Variants in DMD observed in about 807,000 individuals in gnomAD.
The protein encoded by DMD is dystrophin, also known as mutant dystrophin.
In DMD, 63 loss-of-function variants were observed where a neutral mutation model predicts 330.1. That is an observed-to-expected ratio of 0.19 (90% CI 0.16 to 0.24). The LOEUF is 0.24. DMD is among the 10% of genes least tolerant of loss of function. The probability of loss-of-function intolerance (pLI) is 1.00; values close to 1 mark genes in which losing one functional copy is unlikely to be tolerated. For missense variants in DMD, 3,344 were observed against 2,684.1 expected (o/e 1.25, Z -5.43); for synonymous variants, 1,223 against 959.8 (o/e 1.27, Z -5.07).
At position 31,178,819 on chromosome X, in the gene DMD, C is replaced by A; in HGVS notation, c.10087-14G>T. 2 of 1,208,705 alleles carry A rather than the reference C, an allele frequency of 1.7e-6. No homozygotes were observed. The highest frequency in any genetic ancestry group is 2.2e-6 in the Non-Finnish European group (2 of 893,240). ...TCCTGATGTAGTCTAAAAGGGAGAT[C>A]ATGGTGAGATCAGATTTAGGACAGG... On this transcript the variant is annotated splice_polypyrimidine_tract_variant and intron_variant, in intron 69 of 78. Transcript: ENST00000357033.
In DMD at chrX:32,499,833, G is replaced by A. The variant is rs3805053; in HGVS notation, c.2380+1922C>T. On this transcript the variant is annotated intron_variant, in intron 19 of 78. Transcript: ENST00000357033. ...GGGGTACTTCAGGCACTTAATATGT[G>A]TCTAGCTTATCTCACAATTTGCACA... is the stretch of plus-strand genomic sequence containing the variant. Among the ~76,000 whole-genome samples the A allele has an allele frequency of 7.8e-3, 862 of 111,015 alleles. 16 individuals carry two copies. The East Asian group carries it at 0.11, about 14-fold the overall frequency.
At chrX:32,518,695 T>C (rs901811968) in intron 17 of DMD, among the ~76,000 whole-genome samples, 2 of 110,827 alleles carry the variant, frequency 1.8e-5, no homozygotes, top group Admixed American at 9.7e-5. Context: ...AGAAGTACAA[T>C]GACCTTGAGG....
chrX:33,183,243 A>C, intron 1 of DMD, among the ~76,000 whole-genome samples: 1 of 111,917 alleles, frequency 8.9e-6, no homozygotes, highest in East Asian at 2.8e-4. Flanking sequence ...AGTTCGAGAA[A>C]AATATATGTA....
chrX:32,913,980 C>T (rs778328483), intron 2 of DMD, among the ~76,000 whole-genome samples: 274 of 111,594 alleles, frequency 2.5e-3, no homozygotes, highest in Non-Finnish European at 3.7e-3. Flanking sequence ...TTCCTTACTT[C>T]CCCTGCCTCC....
chrX:32,252,345 T>C lies in DMD; in HGVS notation c.6290+35184A>G, dbSNP rs375800733. Among the ~76,000 whole-genome samples, 3 of 109,400 alleles carry C rather than the reference T, an allele frequency of 2.7e-5. No individual in the cohort carries two copies. The East Asian group carries it at 8.6e-4, about 31-fold the overall frequency. ...TTTGTTAGAATATCTCATAGCTCCT[T>C]ATACTTTTCATTCATAGCACCTACT... On this transcript the variant is annotated intron_variant, in intron 43 of 78. Coordinates refer to ENST00000357033, the MANE Select transcript of DMD (RefSeq NM_004006.3).
chrX:32,255,993 T>G (rs765777717), intron 43 of DMD, among the ~76,000 whole-genome samples: 2 of 111,364 alleles, frequency 1.8e-5, no homozygotes, highest in East Asian at 5.7e-4. Context: ...CAGATTCACG[T>G]ACTATGTATG....
At chrX:31,128,890 G>A (rs2037289256) in intron 77 of DMD, among the ~76,000 whole-genome samples, 1 of 112,149 alleles carries the variant, frequency 8.9e-6, no homozygotes, top group African/African-American at 3.2e-5. Flanking sequence ...CTAGTTCTAC[G>A]CTGACAAAAC....
At chrX:31,580,559 C>A (rs748918973) in intron 55 of DMD, among the ~76,000 whole-genome samples, 1 of 111,982 alleles carries the variant, frequency 8.9e-6, no homozygotes, top group Non-Finnish European at 1.9e-5. Flanking sequence ...TTTTAAGCTA[C>A]TGAGTTTTGA....
chrX:32,418,299 T>C (rs1425825575), intron 29 of DMD, among the ~76,000 whole-genome samples: 2 of 111,264 alleles, frequency 1.8e-5, no homozygotes, highest in Non-Finnish European at 3.8e-5. Context: ...AGGAGAATGA[T>C]AGACATCCAG....
intron 44 of DMD, among the ~76,000 whole-genome samples, chrX:32,169,648 T>TTA (rs773844270): frequency 2.1e-4 from 23 of 111,531 alleles, no homozygotes; most frequent in Non-Finnish European, 3.4e-4. Context: ...AGTAAAAGTT[T>TTA]TAACAATAAC....
chrX:33,293,936 G>A (rs776607002), intron 1 of DMD, among the ~76,000 whole-genome samples: 15 of 111,502 alleles, frequency 1.3e-4, no homozygotes, highest in Admixed American at 9.6e-5. Flanking sequence ...AAGGATCTGC[G>A]CTAGGTGTGG....
chrX:32,106,298 T>C (rs2096563729), intron 44 of DMD, among the ~76,000 whole-genome samples: 4 of 111,914 alleles, frequency 3.6e-5, no homozygotes, highest in Non-Finnish European at 5.6e-5. Flanking sequence ...TGCCAGAAGA[T>C]GGACAGGTAT....
intron 45 of DMD, among the ~76,000 whole-genome samples, chrX:31,956,066 A>G (rs191433501): frequency 2.4e-5 from 2 of 84,034 alleles, no homozygotes; most frequent in African/African-American, 8.9e-5. Context: ...AGTCCCTTTA[A>G]AAGGGTAGAG....
chrX:32,746,431 G>T (rs1207819604), intron 7 of DMD, among the ~76,000 whole-genome samples: 1 of 111,929 alleles, frequency 8.9e-6, no homozygotes, highest in South Asian at 3.7e-4. Context: ...GGCAGGCTAT[G>T]GTTCTCAAAG....
At chrX:32,457,719 A>G (rs1400361385) in intron 25 of DMD, among the ~76,000 whole-genome samples, 2 of 110,062 alleles carry the variant, frequency 1.8e-5, no homozygotes, top group African/African-American at 6.6e-5. Context: ...TTTTTGCAGA[A>G]AGATGGAAAA....
chrX:32,066,825 T>C (rs761306373), intron 44 of DMD, among the ~76,000 whole-genome samples: 1 of 111,789 alleles, frequency 8.9e-6, no homozygotes, highest in East Asian at 2.8e-4. Flanking sequence ...AACATGTCAG[T>C]ACATAGTTAC....
intron 63 of DMD, among the ~76,000 whole-genome samples, chrX:31,250,231 A>G (rs1257461715): frequency 9.0e-6 from 1 of 111,679 alleles, no homozygotes; most frequent in East Asian, 2.8e-4. Flanking sequence ...AACTTATCAC[A>G]TTATATACAT....
At chrX:32,189,441 C>G (rs1396711559) in intron 44 of DMD, among the ~76,000 whole-genome samples, 2 of 109,645 alleles carry the variant, frequency 1.8e-5, no homozygotes, top group Non-Finnish European at 3.8e-5. Context: ...ACAGGCACAC[C>G]TACTAATTTA....
chrX:33,310,821 A>C (rs1014355628), intron 1 of DMD, among the ~76,000 whole-genome samples: 2 of 111,195 alleles, frequency 1.8e-5, no homozygotes, highest in African/African-American at 6.5e-5. Context: ...AGATCTCAAG[A>C]TGTCCCTAAA....
Sources: allele counts gnomAD v4.1 joint callset (sites outside exome capture counted in the v4.1 genomes callset), GRCh38; gene constraint gnomAD v4.1.1; transcripts MANE v1.5; gene names NCBI Gene and HGNC (gene_info 2026-07-23, HGNC 2026-07-21).